CSF2RA: variants seen among roughly 807,000 people sequenced by gnomAD.
CSF2RA encodes the protein colony stimulating factor 2 receptor subunit alpha, also known as granulocyte-macrophage colony-stimulating factor receptor subunit alpha.
Under a neutral mutation model 51.6 loss-of-function variants are expected in CSF2RA, and 42 were observed. That is an observed-to-expected ratio of 0.81 (90% CI 0.64 to 1.05). The LOEUF (loss-of-function observed/expected upper bound fraction) is 1.05, where lower values mean the gene tolerates loss of function less well. Ranked by LOEUF, CSF2RA falls within the 50% of genes least tolerant of loss-of-function variation. The pLI is 0.00. For synonymous variants in CSF2RA, 222 were observed against 193.0 expected, an observed-to-expected ratio of 1.15 and a Z score of -1.24; for missense variants, 530 against 501.1, an observed-to-expected ratio of 1.06 and a Z score of -0.55.
downstream of CSF2RA, among the ~76,000 whole-genome samples, chrX:1,314,238 C>T (rs865797684): frequency 9.8e-5 from 9 of 91,762 alleles, no homozygotes; most frequent in African/African-American, 2.5e-4. Context: ...TGCACCTGCC[C>T]AACCCCACTG....
intron 7 of CSF2RA, among the ~76,000 whole-genome samples, chrX:1,293,612 T>G (rs2091611606): frequency 6.6e-6 from 1 of 152,174 alleles, no homozygotes; most frequent in Non-Finnish European, 1.5e-5. Context: ...GAGGAGACCC[T>G]GCCCCACCTC....
chrX:1,317,239 C>T, the CSF2RA span, among the ~76,000 whole-genome samples: 12 of 137,492 alleles, frequency 8.7e-5, no homozygotes, highest in Middle Eastern at 8.1e-3. Context: ...TGAGCCACCA[C>T]GCTCAGCTTT....
At chrX:1,302,974 C>A in intron 10 of CSF2RA, 1 of 243,510 alleles carries the variant, frequency 4.1e-6, no homozygotes, top group Non-Finnish European at 7.6e-6. Flanking sequence ...CGGGTTCAAG[C>A]GATTCTCCTG....
chrX:1,305,321 T>C (rs1569511719), intron 11 of CSF2RA, 125 bp from the exon 12 acceptor site: 8 of 1,077,610 alleles, frequency 7.4e-6, no homozygotes, highest in Non-Finnish European at 1.1e-5. Flanking sequence ...TGGTGATTCT[T>C]AGTGAAGTTT....
At chrX:1,285,942 C>G (rs762610816) in intron 4 of CSF2RA, 22 bp downstream of exon 4, 4 of 1,613,662 alleles carry the variant, frequency 2.5e-6, no homozygotes, top group Non-Finnish European at 3.4e-6. Context: ...TTCCCATTCT[C>G]AACCCCTGTC....
chrX:1,307,418 A>G lies in CSF2RA; in HGVS notation c.1125+1891A>G, dbSNP rs28490215. Among the ~76,000 whole-genome samples the G allele has an allele frequency of 4.1e-3, 569 of 138,040 alleles. 12 individuals carry two copies. Among genetic ancestry groups the G allele is most frequent in the African/African-American group, 0.015 (528 of 34,490 alleles). 90.6% of individuals were successfully genotyped at this position (138,040 alleles called of 152,430 possible). A position where few individuals can be genotyped will look rare whatever the true frequency, so the allele number is the denominator to read the frequency against. On this transcript the variant is annotated intron_variant, in intron 12 of 12. Coordinates refer to ENST00000381529, the MANE Select transcript of CSF2RA (RefSeq NM_172245.4). ...TTTAGACCTTCGACTGATCAGATGA[A>G]GCCCACCCTTCCCCTTTAGACCTTC...
At chrX:1,291,501 C>T (rs1208371798) in intron 7 of CSF2RA, among the ~76,000 whole-genome samples, 2 of 151,882 alleles carry the variant, frequency 1.3e-5, no homozygotes, top group African/African-American at 4.8e-5. Context: ...CCTGGCTGGC[C>T]TCTTGGAGCC....
chrX:1,286,072 A>C, intron 4 of CSF2RA, 152 bp downstream of exon 4: 2 of 809,678 alleles, frequency 2.5e-6, no homozygotes, highest in Non-Finnish European at 4.2e-6. Flanking sequence ...CGGGAGTTCA[A>C]GACCAGCCTG....
Position 1,285,032 on chromosome X carries a change from T to A in CSF2RA, c.77-746T>A, listed in dbSNP as rs1232553432. Among the ~76,000 whole-genome samples, 4 of 151,870 alleles carry A rather than the reference T, an allele frequency of 2.6e-5. No individual in the cohort carries two copies. The East Asian group carries it at 7.8e-4, about 29-fold the overall frequency. On this transcript the variant is annotated intron_variant, in intron 3 of 12. Coordinates refer to ENST00000381529, the MANE Select transcript of CSF2RA (RefSeq NM_172245.4). ...AAGGAGCAAGCTGGGACCACAGATG[T>A]GCACCATCACACCTGCCTAATTTAA... is the stretch of plus-strand genomic sequence containing the variant.
the CSF2RA span, among the ~76,000 whole-genome samples, chrX:1,324,162 G>A: frequency 0.078 from 11,806 of 151,408 alleles, 573 homozygotes; most frequent in East Asian, 0.22. Context: ...TCCAGCCTGG[G>A]TGACAGAGTG....
At chrX:1,300,252 T>A in intron 9 of CSF2RA, 1 of 504,932 alleles carries the variant, frequency 2.0e-6, no homozygotes, top group Non-Finnish European at 3.5e-6. Flanking sequence ...ATAAAAAAGC[T>A]TAAAGCCTAC....
rs1342812396 is a variant in CSF2RA, at chrX:1,279,322, C to A, written c.-26-3356C>A. The stretch of plus-strand genomic sequence containing the variant: ...CCGAGATGGCACCACTGCACTCCAG[C>A]CTGGGCGACAGAGCAAGACCGTCTA... On this transcript the variant is annotated intron_variant, in intron 2 of 12. Transcript: ENST00000381529. Among the ~76,000 whole-genome samples the A allele has an allele frequency of 6.6e-5, 10 of 151,886 alleles. No homozygotes were observed. The Admixed American group carries it at 6.6e-4, about 10-fold the overall frequency.
chrX:1,304,292 C>T lies in CSF2RA; in HGVS notation c.1043+273C>T, dbSNP rs1265943332. Among the ~76,000 whole-genome samples, 12 of 89,408 alleles carry T rather than the reference C, an allele frequency of 1.3e-4. 3 individuals are homozygous for T. Among genetic ancestry groups the T allele is most frequent in the Non-Finnish European group, 1.9e-4 (9 of 47,808 alleles). The allele number at this position is 89,408 out of a possible 152,430, so 58.7% of individuals were successfully genotyped here. A position where few individuals can be genotyped will look rare whatever the true frequency, so the allele number is the denominator to read the frequency against. On this transcript the variant is annotated intron_variant, in intron 11 of 12. Transcript: ENST00000381529. ...GCGGGCGCCTGTAGTCCCAGCTACT[C>T]GGGAGGCTGAGGCAGGAGAATCGCT...
At chrX:1,301,623 C>T (rs28485553) in intron 10 of CSF2RA, among the ~76,000 whole-genome samples, 3 of 127,758 alleles carry the variant, frequency 2.3e-5, no homozygotes, top group South Asian at 2.5e-4. Context: ...TTTGAGACGG[C>T]GTTTCGCTCT....
intron 3 of CSF2RA, among the ~76,000 whole-genome samples, chrX:1,285,106 C>T (rs1269467033): frequency 6.6e-6 from 1 of 151,018 alleles, no homozygotes; most frequent in Non-Finnish European, 1.5e-5. Flanking sequence ...TGCTATGTTG[C>T]CCAGGCGGGA....
intron 10 of CSF2RA, 99 bp from the exon 11 acceptor site, chrX:1,303,824 C>T: frequency 1.9e-6 from 2 of 1,036,658 alleles, no homozygotes; most frequent in South Asian, 1.3e-5. Context: ...CTTGACTGTT[C>T]CCTTTGGCTA....
intron 2 of CSF2RA, among the ~76,000 whole-genome samples, chrX:1,280,856 C>CCTGCTCCTT (rs2089832895): frequency 1.5e-5 from 2 of 130,776 alleles, no homozygotes; most frequent in South Asian, 2.6e-4. Context: ...CTCTCCTTCT[C>CCTGCTCCTT]CTCCTCCTCC....
rs774544209 is a variant in CSF2RA, at chrX:1,303,976, G to A, written c.1000G>A (p.Gly334Arg). The A allele has an allele frequency of 1.2e-6, 2 of 1,613,094 alleles. No individual in the cohort carries two copies. Among genetic ancestry groups the A allele is most frequent in the African/African-American group, 1.3e-5 (1 of 74,762 alleles). Residue 334 changes from glycine (G) to arginine (R), a missense_variant, in exon 11 of 13, where the codon GGA becomes AGA. Coordinates refer to ENST00000381529, the MANE Select transcript of CSF2RA (RefSeq NM_172245.4). ...GTACATTTATGTGCTCCTAATCGTG[G>A]GAACCCTTGTCTGTGGCATCGTCCT... ...SVYIYVLLIV[G>R]TLVCGIVLGF...
rs1386502547 is a variant in CSF2RA at position 1,303,676 on chromosome X, C to T, written c.947-247C>T. Among the ~76,000 whole-genome samples, 8 of 152,206 alleles carry T rather than the reference C, an allele frequency of 5.3e-5. No individual in the cohort carries two copies. The South Asian group carries it at 8.3e-4, about 16-fold the overall frequency. On this transcript the variant is annotated intron_variant, in intron 10 of 12. Transcript: ENST00000381529. ...CAGGCGTGAGCCACCGCATCCGGCCCATGGTGGCAAAGTTTTAACAGCTCA... is the reference window on the plus strand; with the variant it reads ...CAGGCGTGAGCCACCGCATCCGGCCTATGGTGGCAAAGTTTTAACAGCTCA...
Sources: allele counts gnomAD v4.1 joint callset (sites outside exome capture counted in the v4.1 genomes callset), GRCh38; gene constraint gnomAD v4.1.1; transcripts MANE v1.5; gene names NCBI Gene and HGNC (gene_info 2026-07-23, HGNC 2026-07-21).